The following TNRC6B variants were observed in gnomAD, a reference collection of about 807,000 sequenced individuals.
TNRC6B encodes the protein trinucleotide repeat-containing gene 6B protein.
TNRC6B carries 52 observed loss-of-function variants against 203.6 expected under a neutral mutation model. That is an observed-to-expected ratio of 0.26 (90% confidence interval 0.20 to 0.32). The LOEUF (loss-of-function observed/expected upper bound fraction) is 0.32. Among genes scored for constraint, TNRC6B ranks in the 10% least tolerant of loss-of-function variants. TNRC6B has a pLI of 1.00. For synonymous variants in TNRC6B, 838 were observed against 845.7 expected, an observed-to-expected ratio of 0.99 and a Z score of 0.16; for missense variants, 1,923 against 2,286.2, an observed-to-expected ratio of 0.84 and a Z score of 3.24.
chr22:40,295,013 G>A, intron 12 of TNRC6B, among the ~76,000 whole-genome samples: 1 of 152,218 alleles, frequency 6.6e-6, no homozygotes, highest in African/African-American at 2.4e-5. Context: ...TCTCTTAGAG[G>A]ATAGAGAGGA....
chr22:40,197,449 G>C (rs1264970199), intron 1 of TNRC6B, among the ~76,000 whole-genome samples: 1 of 151,786 alleles, frequency 6.6e-6, no homozygotes, highest in Admixed American at 6.6e-5. Flanking sequence ...ACCACACCCA[G>C]GCTGATTTTT....
chr22:40,059,602 T>G, intron 1 of TNRC6B, among the ~76,000 whole-genome samples: 1 of 152,196 alleles, frequency 6.6e-6, no homozygotes, highest in Admixed American at 6.5e-5. Flanking sequence ...TAGTTGCACT[T>G]TATCAGGTTC....
intron 1 of TNRC6B, among the ~76,000 whole-genome samples, chr22:40,185,359 A>C (rs564411508): frequency 6.6e-6 from 1 of 152,168 alleles, no homozygotes; most frequent in Non-Finnish European, 1.5e-5. Flanking sequence ...ATGCAGTGCA[A>C]GGTGCTGTTC....
In TNRC6B at chr22:40,323,099, T is replaced by G; in HGVS notation, c.5360T>G (p.Leu1787Arg). ...SSAGGSSGAD[L>R]AGASLWGPPN... is the part of the protein sequence containing the mutation. ...GCTGGTGGCAGCAGCGGGGCCGATC[T>G]TGCTGGCGCTTCATTGTGGGGGCCC... is the stretch of plus-strand genomic sequence containing the variant. The change falls in exon 23 of 23, where the codon CTT (leucine) becomes CGT (arginine). Residue 1787 changes from leucine (L) to arginine (R), a missense_variant. Leu to Arg is a moderately radical substitution (Grantham distance 102). This residue lies in a region of TNRC6B where 126 missense variants were observed against 137.5 expected (regional missense o/e 0.92). Coordinates refer to ENST00000454349, the MANE Select transcript of TNRC6B (RefSeq NM_001162501.2). 6.2e-7 allele frequency: 1 copy of G among 1,610,546 alleles called. No homozygotes were observed. The highest frequency in any genetic ancestry group is 1.1e-5 in the South Asian group (1 of 90,726).
At chr22:40,116,481 T>G (rs564137033) in intron 1 of TNRC6B, among the ~76,000 whole-genome samples, 179 of 152,304 alleles carry the variant, frequency 1.2e-3, no homozygotes, top group African/African-American at 4.2e-3. Flanking sequence ...TACTAGCAAC[T>G]TGCTATGAAT....
At chr22:40,085,275 T>TA (rs557980149) in intron 1 of TNRC6B, among the ~76,000 whole-genome samples, 7 of 152,198 alleles carry the variant, frequency 4.6e-5, no homozygotes, top group East Asian at 3.9e-4. Flanking sequence ...AGGACTTTTT[T>TA]AAAAAAAACT....
At chr22:40,047,025 C>T (rs2067695001) in intron 1 of TNRC6B, among the ~76,000 whole-genome samples, 2 of 152,148 alleles carry the variant, frequency 1.3e-5, no homozygotes, top group Admixed American at 1.3e-4. Flanking sequence ...TGTATGCTTA[C>T]TCTATGCCAG....
intron 1 of TNRC6B, among the ~76,000 whole-genome samples, chr22:40,218,122 T>A (rs576022839): frequency 6.6e-6 from 1 of 152,216 alleles, no homozygotes; most frequent in African/African-American, 2.4e-5. Flanking sequence ...AGACTATGGC[T>A]ACTAATATCA....
chr22:40,315,539 G>T (rs1339992400), intron 20 of TNRC6B, 32 bp downstream of exon 20: 3 of 1,605,154 alleles, frequency 1.9e-6, no homozygotes, highest in Admixed American at 3.4e-5. Context: ...GAACACCATT[G>T]TTCATCCACA....
At chr22:40,128,565 GGCTCACGGCTCACA>G (rs201134767) in intron 3 of TNRC6B, among the ~76,000 whole-genome samples, 2,233 of 150,750 alleles carry the variant, frequency 0.015, 53 homozygotes, top group African/African-American at 0.052. Context: ...CACGGCTCAC[GGCTCACGGCTCACA>G]GCTCACAGCT....
chr22:40,156,142 G>C, exon 4 of TNRC6B: 1 of 1,582,358 alleles, frequency 6.3e-7, no homozygotes, highest in Non-Finnish European at 8.6e-7. Flanking sequence ...TGTAATGGAA[G>C]GGCATGGCAA....
chr22:40,226,859 AG>A (rs1280865569), intron 1 of TNRC6B, among the ~76,000 whole-genome samples: 3 of 152,088 alleles, frequency 2.0e-5, no homozygotes, highest in Non-Finnish European at 2.9e-5. Flanking sequence ...CTCTTAGTTG[AG>A]TGCTCACCTT....
chr22:40,320,618 G>T (rs12485202), intron 21 of TNRC6B, among the ~76,000 whole-genome samples: 1 of 152,066 alleles, frequency 6.6e-6, no homozygotes, highest in African/African-American at 2.4e-5. Flanking sequence ...TGGGGTGAGG[G>T]GTACAGCCTT....
At position 40,315,385 on chromosome 22, in the gene TNRC6B, A is replaced by G. The variant is rs774016899; in HGVS notation, c.4781A>G (p.Asn1594Ser). The G allele has an allele frequency of 2.5e-6, 4 of 1,613,838 alleles. No individual in the cohort carries two copies. The Admixed American group carries it at 5.0e-5, about 20-fold the overall frequency. Residue 1594 changes from asparagine to serine, a missense_variant, in exon 20 of 23, where the codon AAC becomes AGC. Physicochemically the swap from Asn to Ser is conservative, Grantham distance 46 (BLOSUM62 1). Coordinates refer to ENST00000454349, the MANE Select transcript of TNRC6B (RefSeq NM_001162501.2). ...TGGAAAAACCATATTTCCTCCAGGA[A>G]CACTACACCGCTGCCCCGCCCACCT... Reference protein sequence around the residue: ...KMWKNHISSRNTTPLPRPPPG... With the variant: ...KMWKNHISSRSTTPLPRPPPG...
chr22:40,077,068 A>G (rs1191393126), intron 1 of TNRC6B, among the ~76,000 whole-genome samples: 1 of 147,200 alleles, frequency 6.8e-6, no homozygotes, highest in African/African-American at 2.7e-5. Flanking sequence ...AAAGAAAAGA[A>G]AAGAGAGAAG....
intron 1 of TNRC6B, among the ~76,000 whole-genome samples, chr22:40,215,167 A>G (rs2069618691): frequency 6.6e-6 from 1 of 152,198 alleles, no homozygotes; most frequent in Non-Finnish European, 1.5e-5. Flanking sequence ...TCTTAGTGGC[A>G]CATGAAATAT....
At chr22:40,127,857 C>T (rs1187936271) in intron 3 of TNRC6B, among the ~76,000 whole-genome samples, 3 of 152,042 alleles carry the variant, frequency 2.0e-5, no homozygotes, top group Admixed American at 6.5e-5. Context: ...GGCAGCAAAG[C>T]CAGACCCTGC....
intron 1 of TNRC6B, among the ~76,000 whole-genome samples, chr22:40,182,291 T>C (rs1238741221): frequency 6.6e-6 from 1 of 152,130 alleles, no homozygotes; most frequent in African/African-American, 2.4e-5. Flanking sequence ...AATTACCCCA[T>C]TTAATAATTT....
At chr22:40,136,438 G>T (rs923388704) in intron 3 of TNRC6B, among the ~76,000 whole-genome samples, 1 of 149,142 alleles carries the variant, frequency 6.7e-6, no homozygotes, top group Non-Finnish European at 1.5e-5. Context: ...TTGCTCTGTC[G>T]CGTAGGCTGG....
Sources: gnomAD v4.1 joint callset for allele counts (sites outside exome capture counted in the v4.1 genomes callset) on GRCh38, gnomAD v4.1.1 for gene constraint, gnomAD v4.1.1 regional missense constraint, MANE v1.5 for transcripts, NCBI Gene and HGNC (gene_info 2026-07-23, HGNC 2026-07-21) for gene names.